Variants in HLCS observed in about 807,000 individuals in gnomAD.
The protein encoded by HLCS is holocarboxylase synthetase, also known as biotin--protein ligase.
Under a neutral mutation model 75.0 loss-of-function variants are expected in HLCS, and 53 were observed. The observed-to-expected ratio is 0.71, with a 90% CI of 0.57 to 0.89. The LOEUF is 0.89. Among genes scored for constraint, HLCS ranks in the 40% least tolerant of loss-of-function variants. The pLI, the probability that HLCS is intolerant of heterozygous loss-of-function variation, is 0.00. For synonymous variants in HLCS, 431 were observed against 428.6 expected (o/e 1.01, Z -0.07); for missense variants, 966 against 1,074.0 (o/e 0.90, Z 1.41).
chr21:36,814,733 A>G (rs2061609526), intron 6 of HLCS, among the ~76,000 whole-genome samples: 3 of 152,226 alleles, frequency 2.0e-5, no homozygotes, highest in Non-Finnish European at 4.4e-5. Context: ...ACCCAGGGAC[A>G]TTGTTAATTT....
chr21:36,963,860 T>C (rs1032829075), intron 1 of HLCS, among the ~76,000 whole-genome samples: 7 of 152,250 alleles, frequency 4.6e-5, no homozygotes, highest in Non-Finnish European at 1.0e-4. Flanking sequence ...AACTTATCAA[T>C]TGATTGTAGG....
In HLCS at chr21:36,771,047, G is replaced by A. The variant is rs1296135534; in HGVS notation, c.1893-3762C>T. On this transcript the variant is annotated intron_variant, in intron 6 of 10. Coordinates refer to ENST00000674895, the MANE Select transcript of HLCS (RefSeq NM_001352514.2). ...ATCCTGGCTAACACGGTGAAACCCC[G>A]TCTCTACTAAAAATACAAAAAAATT... 6.6e-5 allele frequency among the ~76,000 whole-genome samples: 10 copies of A among 151,814 alleles called. 1 individual carries two copies. The South Asian group carries it at 1.0e-3, about 16-fold the overall frequency.
At chr21:36,960,441 G>A (rs982538499) in intron 2 of HLCS, among the ~76,000 whole-genome samples, 5 of 152,102 alleles carry the variant, frequency 3.3e-5, no homozygotes, top group East Asian at 1.9e-4. Flanking sequence ...AGGGCTAAAC[G>A]AAACATTACA....
At chr21:36,903,018 C>T (rs1418621833) in intron 5 of HLCS, among the ~76,000 whole-genome samples, 1 of 151,958 alleles carries the variant, frequency 6.6e-6, no homozygotes, top group African/African-American at 2.4e-5. Flanking sequence ...AGGAATGCCC[C>T]AGGACCAAAA....
chr21:36,750,176 G>A lies in HLCS; in HGVS notation c.*4070C>T, dbSNP rs1179007969. Among the ~76,000 whole-genome samples, 3 of 152,106 alleles carry A rather than the reference G, an allele frequency of 2.0e-5. No homozygotes were observed. The highest frequency in any genetic ancestry group is 4.8e-5 in the African/African-American group (2 of 41,412). On this transcript the variant is annotated 3_prime_UTR_variant, in exon 11 of 11. Coordinates refer to ENST00000674895, the MANE Select transcript of HLCS (RefSeq NM_001352514.2). ...CGTTTCTTGACTTCTGTGAGGCTCC[G>A]GCAGGGGAAGAGGAAGCATTTTAAT... is the stretch of plus-strand genomic sequence containing the variant.
upstream of HLCS, among the ~76,000 whole-genome samples, chr21:36,967,120 G>T (rs895603548): frequency 1.3e-4 from 20 of 152,218 alleles, no homozygotes; most frequent in East Asian, 3.9e-3. Flanking sequence ...GGCGGATTGA[G>T]GAGGGGGCTC....
intron 6 of HLCS, among the ~76,000 whole-genome samples, chr21:36,808,988 C>T (rs1346317757): frequency 2.0e-5 from 3 of 151,974 alleles, no homozygotes; most frequent in East Asian, 1.9e-4. Context: ...CTGAGGCAAG[C>T]GGATCACTTG....
chr21:36,924,730 C>T (rs758118370), intron 5 of HLCS, among the ~76,000 whole-genome samples: 4 of 152,118 alleles, frequency 2.6e-5, no homozygotes, highest in Non-Finnish European at 4.4e-5. Flanking sequence ...TTAACTAGAA[C>T]GCATGCCACA....
chr21:36,869,542 G>A (rs1467970125), intron 6 of HLCS, among the ~76,000 whole-genome samples: 2 of 152,136 alleles, frequency 1.3e-5, no homozygotes, highest in African/African-American at 2.4e-5. Flanking sequence ...CATGCAAACT[G>A]CATTTCATAC....
chr21:36,754,226 C>T lies in HLCS; in HGVS notation c.*20G>A, dbSNP rs762386073. 1.4e-5 allele frequency: 23 copies of T among 1,612,892 alleles called. No individual in the cohort carries two copies. Among genetic ancestry groups the T allele is most frequent in the African/African-American group, 1.3e-4 (10 of 74,902 alleles). Reference sequence around the variant, plus strand: ...ATGCATGGGCACGGACAGGCAGCCGCGTCTCGGGGACGCCCGGCATTACCG... The same window carrying T: ...ATGCATGGGCACGGACAGGCAGCCGTGTCTCGGGGACGCCCGGCATTACCG... On this transcript the variant is annotated 3_prime_UTR_variant, in exon 11 of 11. Transcript: ENST00000674895.
At chr21:36,868,142 C>T (rs1354583749) in intron 6 of HLCS, among the ~76,000 whole-genome samples, 2 of 140,826 alleles carry the variant, frequency 1.4e-5, no homozygotes, top group Non-Finnish European at 3.0e-5. Flanking sequence ...AGAGCAAGAC[C>T]CCATCACGAA....
intron 9 of HLCS, among the ~76,000 whole-genome samples, chr21:36,757,387 G>C (rs886813984): frequency 2.6e-5 from 4 of 152,136 alleles, no homozygotes; most frequent in Non-Finnish European, 4.4e-5. Flanking sequence ...AGTTACCAGG[G>C]ATGGTGTCTG....
intron 1 of HLCS, among the ~76,000 whole-genome samples, chr21:36,987,841 C>A (rs2069255906): frequency 6.6e-6 from 1 of 152,122 alleles, no homozygotes; most frequent in Non-Finnish European, 1.5e-5. Context: ...TCCTACAATA[C>A]ACAGAAAATA....
intron 6 of HLCS, among the ~76,000 whole-genome samples, chr21:36,781,830 C>T (rs943369961): frequency 1.3e-5 from 2 of 152,114 alleles, no homozygotes; most frequent in Non-Finnish European, 2.9e-5. Context: ...GACTCACAGA[C>T]ACTTACAAGT....
At chr21:36,808,051 TAAA>T (rs5843778) in intron 6 of HLCS, among the ~76,000 whole-genome samples, 3 of 147,662 alleles carry the variant, frequency 2.0e-5, no homozygotes, top group Non-Finnish European at 1.5e-5. Flanking sequence ...ATCTAGAAAA[TAAA>T]AAAAAAAAAA....
intron 4 of HLCS, among the ~76,000 whole-genome samples, chr21:36,935,457 A>G (rs923132542): frequency 1.3e-5 from 2 of 152,204 alleles, no homozygotes; most frequent in African/African-American, 4.8e-5. Context: ...AGCTTCCAGG[A>G]GAACTGGAAA....
At chr21:36,983,836 C>CA (rs536416896) in intron 1 of HLCS, among the ~76,000 whole-genome samples, 7,648 of 129,932 alleles carry the variant, frequency 0.059, 335 homozygotes, top group South Asian at 0.2. Context: ...GACTCCGTCT[C>CA]AAAAAAAAAA....
intron 6 of HLCS, among the ~76,000 whole-genome samples, chr21:36,889,821 CACAGAA>C (rs2064698835): frequency 6.6e-6 from 1 of 152,164 alleles, no homozygotes. Flanking sequence ...TAGGAAATAG[CACAGAA>C]AAATAAAGGT....
At chr21:36,898,698 A>T (rs911001636) in intron 5 of HLCS, among the ~76,000 whole-genome samples, 6 of 152,156 alleles carry the variant, frequency 3.9e-5, no homozygotes, top group Non-Finnish European at 8.8e-5. Context: ...ACAATTAGGA[A>T]ATCTGAATGT....
Sources: allele counts gnomAD v4.1 joint callset (sites outside exome capture counted in the v4.1 genomes callset), GRCh38; gene constraint gnomAD v4.1.1; transcripts MANE v1.5; gene names NCBI Gene and HGNC (gene_info 2026-07-23, HGNC 2026-07-21).